Variants in UGGT1 observed in about 807,000 individuals in gnomAD.
The protein encoded by UGGT1 is UDP-glucose:glycoprotein glucosyltransferase 1.
A neutral mutation model predicts 203.9 loss-of-function variants in UGGT1; 107 were observed. The ratio of observed to expected loss-of-function variants is 0.52; its 90% CI spans 0.45 to 0.62. The LOEUF (loss-of-function observed/expected upper bound fraction) is 0.62. Ranked by LOEUF, UGGT1 falls within the 20% of genes least tolerant of loss-of-function variation. UGGT1 has a pLI of 0.00. For missense variants in UGGT1, 1,673 were observed against 1,867.2 expected, an observed-to-expected ratio of 0.90 and a Z score of 1.92; for synonymous variants, 628 against 653.5, an observed-to-expected ratio of 0.96 and a Z score of 0.59.
intron 38 of UGGT1, 96 bp from the exon 39 acceptor site, chr2:128,186,587 A>G (rs1691992799): frequency 2.1e-6 from 2 of 970,642 alleles, no homozygotes; most frequent in Admixed American, 2.5e-5. Context: ...AACCTGGGTG[A>G]CAGAGTGGGA....
rs749967477 is a variant in UGGT1 at position 128,179,787 on chromosome 2, A to G, written c.3817A>G (p.Ile1273Val). Residue 1273 changes from isoleucine (I) to valine (V), a missense_variant and splice_region_variant, in exon 35 of 41, where the codon ATA (isoleucine) becomes GTA (valine). Physicochemically the swap from Ile to Val is conservative, Grantham distance 29 (BLOSUM62 3). This residue lies in a region of UGGT1 where 513 missense variants were observed against 684.1 expected (regional missense o/e 0.75). Coordinates refer to ENST00000259253, the MANE Select transcript of UGGT1 (RefSeq NM_020120.4). ...TAATTACCTGCTTTTGTTTGGCAGC[A>G]TAATGATGCTATCCGTGCTGAAGAA... is the stretch of plus-strand genomic sequence containing the variant. Reference protein sequence around the residue: ...SGHLYERFLRIMMLSVLKNTK... With the variant: ...SGHLYERFLRVMMLSVLKNTK... 4.3e-6 allele frequency: 7 copies of G among 1,611,144 alleles called. No individual in the cohort carries two copies. Among genetic ancestry groups the G allele is most frequent in the Admixed American group, 1.7e-5 (1 of 59,200 alleles).
In UGGT1 at chr2:128,145,917, A is replaced by G; in HGVS notation, c.1966A>G (p.Met656Val). The G allele has an allele frequency of 1.2e-6, 2 of 1,614,164 alleles. No homozygotes were observed. Among genetic ancestry groups the G allele is most frequent in the Non-Finnish European group, 1.7e-6 (2 of 1,180,018 alleles). ...CCCTGATGAGTTAGAAACCATCACA[A>G]TGCATAAAATCCTGGAGACCACCAC... ...LDPDELETITMHKILETTTFF... is the reference protein window; with the variant it reads ...LDPDELETITVHKILETTTFF... Residue 656 changes from methionine to valine, a missense_variant, in exon 18 of 41, where the codon ATG becomes GTG. By Grantham distance (21) the Met-to-Val change is conservative (BLOSUM62 1). Around this residue, in one of 4 missense-constraint regions of UGGT1, gnomAD observed 1,073 missense variants for 1,078.7 expected, o/e 0.99. Transcript: ENST00000259253.
intron 1 of UGGT1, among the ~76,000 whole-genome samples, chr2:128,095,373 C>T (rs565139240): frequency 2.0e-4 from 30 of 150,570 alleles, no homozygotes; most frequent in African/African-American, 7.4e-4. Flanking sequence ...TCTTCTTCCT[C>T]TTCCCCTTCC....
At chr2:128,111,581 C>T (rs1402581386) in intron 5 of UGGT1, among the ~76,000 whole-genome samples, 1 of 151,990 alleles carries the variant, frequency 6.6e-6, no homozygotes, top group Admixed American at 6.5e-5. Context: ...TCTTGGCTCA[C>T]TGCAAGCTCC....
intron 24 of UGGT1, among the ~76,000 whole-genome samples, 162 bp downstream of exon 24, chr2:128,160,753 C>T (rs1047513084): frequency 1.3e-5 from 2 of 152,164 alleles, no homozygotes; most frequent in Non-Finnish European, 2.9e-5. Context: ...TTCCAAGGAG[C>T]TGTGCTTTTT....
chr2:128,094,114 T>C (rs1436620377), intron 1 of UGGT1, among the ~76,000 whole-genome samples: 5 of 152,170 alleles, frequency 3.3e-5, no homozygotes, highest in Non-Finnish European at 7.3e-5. Flanking sequence ...CAATTCGTCA[T>C]CAGGAATCAC....
intron 3 of UGGT1, among the ~76,000 whole-genome samples, chr2:128,106,971 C>T (rs1414976170): frequency 6.6e-6 from 1 of 152,180 alleles, no homozygotes; most frequent in East Asian, 1.9e-4. Flanking sequence ...GCAAGAGCCA[C>T]TGTGCTTGTC....
chr2:128,143,056 T>C (rs369211078), intron 16 of UGGT1, 38 bp from the exon 17 acceptor site: 2 of 1,540,062 alleles, frequency 1.3e-6, no homozygotes, highest in African/African-American at 1.4e-5. Context: ...AATTTGAACT[T>C]AAAAGTGTAG....
In UGGT1 at chr2:128,177,397, T is replaced by C. The variant is rs185036516; in HGVS notation, c.3625-435T>C. On this transcript the variant is annotated intron_variant, in intron 32 of 40. Transcript: ENST00000259253. ...CATTGTTGAGAAGAAAAATGGTCACTGTACTGCCAAGAAGAAACCCCTGTT... is the reference window on the plus strand; with the variant it reads ...CATTGTTGAGAAGAAAAATGGTCACCGTACTGCCAAGAAGAAACCCCTGTT... 2.0e-3 allele frequency among the ~76,000 whole-genome samples: 310 copies of C among 152,276 alleles called. 2 individuals carry two copies. Among genetic ancestry groups the C allele is most frequent in the African/African-American group, 7.2e-3 (299 of 41,544 alleles).
At chr2:128,104,297 C>A (rs1254883467) in intron 3 of UGGT1, among the ~76,000 whole-genome samples, 1 of 152,166 alleles carries the variant, frequency 6.6e-6, no homozygotes, top group Non-Finnish European at 1.5e-5. Flanking sequence ...TGTGGAAGTA[C>A]ATTTCATTTT....
chr2:128,141,680 G>A (rs1032442502), intron 16 of UGGT1, among the ~76,000 whole-genome samples: 2 of 144,054 alleles, frequency 1.4e-5, no homozygotes, highest in African/African-American at 2.5e-5. Flanking sequence ...GGGATTAGAC[G>A]CCTGCCACCA....
chr2:128,163,017 A>G (rs1389070514), intron 25 of UGGT1, among the ~76,000 whole-genome samples: 1 of 152,194 alleles, frequency 6.6e-6, no homozygotes, highest in Non-Finnish European at 1.5e-5. Context: ...AGCCACAGCT[A>G]TCATTCATGA....
At chr2:128,166,748 T>C (rs1033175078) in intron 26 of UGGT1, among the ~76,000 whole-genome samples, 1 of 152,246 alleles carries the variant, frequency 6.6e-6, no homozygotes, top group African/African-American at 2.4e-5. Context: ...TGCGCAGTAA[T>C]GTATATAGCC....
rs1558796973 is a variant in UGGT1 at position 128,151,135 on chromosome 2, G to T, written c.2017-1649G>T. On this transcript the variant is annotated intron_variant, in intron 18 of 40. Transcript: ENST00000259253. ...CAAAGTGCTGGGATTATAGGCATGAGCCATTGCACCCGGCCCAGATTTCTT... is the reference window on the plus strand; with the variant it reads ...CAAAGTGCTGGGATTATAGGCATGATCCATTGCACCCGGCCCAGATTTCTT... The T allele has an allele frequency of 1.7e-5, 7 of 412,608 alleles. No individual in the cohort carries two copies. The East Asian group carries it at 3.8e-4, about 22-fold the overall frequency. The allele number at this position is 412,608 out of a possible 1,614,324, so 25.6% of individuals were successfully genotyped here. A position where few individuals can be genotyped will look rare whatever the true frequency, so the allele number is the denominator to read the frequency against.
chr2:128,127,648 G>A (rs1027736084), intron 12 of UGGT1, among the ~76,000 whole-genome samples, 196 bp downstream of exon 12: 2 of 152,182 alleles, frequency 1.3e-5, no homozygotes, highest in African/African-American at 2.4e-5. Flanking sequence ...TTGTGTTACA[G>A]TGTGTGTTCA....
Position 128,133,194 on chromosome 2 carries a change from A to G in UGGT1, c.1431A>G (p.Leu477=), listed in dbSNP as rs774143969. The G allele has an allele frequency of 1.2e-6, 2 of 1,614,170 alleles. No homozygotes were observed. The highest frequency in any genetic ancestry group is 4.5e-5 in the East Asian group (2 of 44,884). The change falls in exon 14 of 41, where the codon TTA becomes TTG. Residue 477 remains leucine, a synonymous_variant. Transcript: ENST00000259253. ...DSRYNSWPSS[L]QELLRPTFPG... is the part of the protein sequence containing the mutation. ...GATATAATTCGTGGCCTTCTAGTTT[A>G]CAAGAGTTGCTTCGACCCACCTTTC...
At chr2:128,188,068 TG>T (rs1692077046) in intron 40 of UGGT1, among the ~76,000 whole-genome samples, 1 of 151,086 alleles carries the variant, frequency 6.6e-6, no homozygotes, top group African/African-American at 2.4e-5. Flanking sequence ...TTGCCCAGGC[TG>T]GAGTGCAGTG....
At chr2:128,105,114 C>T (rs572279760) in intron 3 of UGGT1, among the ~76,000 whole-genome samples, 2 of 149,786 alleles carry the variant, frequency 1.3e-5, no homozygotes, top group Non-Finnish European at 3.0e-5. Flanking sequence ...AACTTCTGGG[C>T]TCAAGTGATC....
At chr2:128,118,857 A>G (rs540039601) in intron 8 of UGGT1, among the ~76,000 whole-genome samples, 1 of 151,722 alleles carries the variant, frequency 6.6e-6, no homozygotes, top group East Asian at 2.0e-4. Context: ...TGTGGTAGAG[A>G]TGGGGTTTTG....
Sources: allele counts gnomAD v4.1 joint callset (sites outside exome capture counted in the v4.1 genomes callset), GRCh38; gene constraint gnomAD v4.1.1; regional missense constraint gnomAD v4.1.1; transcripts MANE v1.5; gene names NCBI Gene and HGNC (gene_info 2026-07-23, HGNC 2026-07-21).